EXOC1: variants seen among roughly 807,000 people sequenced by gnomAD.
EXOC1 encodes the protein SEC3-like 1.
EXOC1 carries 67 observed loss-of-function variants against 107.7 expected under a neutral mutation model. That is an observed-to-expected ratio of 0.62 (90% CI 0.51 to 0.76). The LOEUF (loss-of-function observed/expected upper bound fraction) is 0.76. Among genes scored for constraint, EXOC1 ranks in the 30% least tolerant of loss-of-function variants. The pLI, the probability that EXOC1 is intolerant of heterozygous loss-of-function variation, is 0.00. For missense variants in EXOC1, 833 were observed against 1,055.7 expected (o/e 0.79, Z 2.92); for synonymous variants, 348 against 353.5 (o/e 0.98, Z 0.17).
Position 55,870,905 on chromosome 4 carries a change from G to A in EXOC1, c.831G>A (p.Val277=). ...VKLLSEIEFL[V]NHMDLAKGHI... ...TCCTATCTGAGATAGAGTTCCTTGT[G>A]GTAAGTATGATCATAAATTACCAAC... Residue 277 remains valine, a splice_region_variant and synonymous_variant, in exon 6 of 19, where the codon GTG becomes GTA. Coordinates refer to ENST00000381295, the MANE Select transcript of EXOC1 (RefSeq NM_001024924.2). The A allele has an allele frequency of 6.2e-7, 1 of 1,608,064 alleles. No homozygotes were observed. The highest frequency in any genetic ancestry group is 1.7e-4 in the Middle Eastern group (1 of 6,020).
At chr4:55,867,332 C>A (rs1390798825) in intron 4 of EXOC1, among the ~76,000 whole-genome samples, 1 of 152,068 alleles carries the variant, frequency 6.6e-6, no homozygotes, top group Non-Finnish European at 1.5e-5. Flanking sequence ...TGTTCTGGGA[C>A]AAATGAACGT....
At chr4:55,867,627 T>A (rs1560334545) in intron 4 of EXOC1, among the ~76,000 whole-genome samples, 2 of 152,158 alleles carry the variant, frequency 1.3e-5, no homozygotes, top group Non-Finnish European at 2.9e-5. Flanking sequence ...CTCTTGGTCT[T>A]TTGTTATAAA....
intron 1 of EXOC1, 22 bp from the exon 2 acceptor site, chr4:55,858,292 A>G (rs200596290): frequency 1.9e-6 from 3 of 1,582,268 alleles, no homozygotes; most frequent in Admixed American, 1.8e-5. Context: ...TGAGCTTAAT[A>G]TCTATACTCC....
chr4:55,889,454 C>T (rs546482025), intron 11 of EXOC1, among the ~76,000 whole-genome samples: 33 of 152,084 alleles, frequency 2.2e-4, no homozygotes, highest in African/African-American at 7.0e-4. Flanking sequence ...GAGCTATTGC[C>T]AGCTATATGT....
At chr4:55,877,593 A>G (rs957840227) in intron 8 of EXOC1, 3 of 985,252 alleles carry the variant, frequency 3.0e-6, no homozygotes, top group African/African-American at 3.5e-5. Context: ...TGCTTGGTAA[A>G]TTGTGAAATA....
At chr4:55,891,487 G>C in intron 13 of EXOC1, 65 bp downstream of exon 13, 23 of 1,069,816 alleles carry the variant, frequency 2.1e-5, no homozygotes, top group Non-Finnish European at 3.3e-5. Context: ...TAATTAATAT[G>C]TGGTCACAAT....
chr4:55,897,196 G>C (rs1271930026), intron 16 of EXOC1, among the ~76,000 whole-genome samples: 2 of 150,200 alleles, frequency 1.3e-5, no homozygotes, highest in African/African-American at 4.9e-5. Context: ...GCATGATCTT[G>C]GCTCACTGCA....
intron 1 of EXOC1, among the ~76,000 whole-genome samples, chr4:55,856,879 A>G (rs1205085240): frequency 1.3e-5 from 2 of 152,136 alleles, no homozygotes; most frequent in Admixed American, 6.5e-5. Flanking sequence ...GATTTTTGGC[A>G]TATTCACAAG....
At chr4:55,883,383 A>G (rs1723583984) in intron 9 of EXOC1, 1 of 152,354 alleles carries the variant, frequency 6.6e-6, no homozygotes, top group South Asian at 2.1e-4. Context: ...AGCTTATTGT[A>G]ACATTGTCTA....
At chr4:55,856,691 A>G (rs1465908745) in intron 1 of EXOC1, among the ~76,000 whole-genome samples, 1 of 152,212 alleles carries the variant, frequency 6.6e-6, no homozygotes, top group African/African-American at 2.4e-5. Flanking sequence ...ATTGTAATAC[A>G]TATCCACACA....
At position 55,871,228 on chromosome 4, in the gene EXOC1, G is replaced by A. The variant is rs1190513919; in HGVS notation, c.959G>A (p.Arg320Gln). Residue 320 changes from arginine (R) to glutamine (Q), a missense_variant, in exon 7 of 19, where the codon CGA (arginine) becomes CAA (glutamine). By Grantham distance (43) the Arg-to-Gln change is conservative. Coordinates refer to ENST00000381295, the MANE Select transcript of EXOC1 (RefSeq NM_001024924.2). ...CTGCAGTGCATGAATGTAGCTCTTC[G>A]ACCAGGTATGTTCATTAGAAATGAC... The part of the protein sequence containing the change: ...ALLQCMNVAL[R>Q]PGHDLLLAVK... 5 of 1,612,062 alleles carry A rather than the reference G, an allele frequency of 3.1e-6. No individual in the cohort carries two copies. Among genetic ancestry groups the A allele is most frequent in the Middle Eastern group, 1.7e-4 (1 of 6,054 alleles).
chr4:55,891,449 G>C (rs189285185), intron 13 of EXOC1, 27 bp downstream of exon 13: 2 of 1,424,230 alleles, frequency 1.4e-6, no homozygotes, highest in Non-Finnish European at 2.0e-6. Context: ...ATTTTGGATA[G>C]TATTTATGAT....
chr4:55,868,573 A>G (rs1196788830), intron 5 of EXOC1, 50 bp downstream of exon 5: 2 of 1,535,134 alleles, frequency 1.3e-6, no homozygotes, highest in African/African-American at 2.7e-5. Context: ...TGGATTGAGA[A>G]GGCTAATGAT....
At position 55,890,075 on chromosome 4, in the gene EXOC1, C is replaced by G; in HGVS notation, c.1376-148C>G. On this transcript the variant is annotated intron_variant, in intron 11 of 18. Coordinates refer to ENST00000381295, the MANE Select transcript of EXOC1 (RefSeq NM_001024924.2). The stretch of plus-strand genomic sequence containing the variant: ...GTTAATGGAAGATAAGGAAACTATA[C>G]CACCTATCCCTTATAGAAGATTTGT... 4.8e-6 allele frequency: 3 copies of G among 627,992 alleles called. No individual in the cohort carries two copies. In the South Asian group the frequency reaches 6.2e-5, roughly 13 times the overall value. 38.9% of individuals were successfully genotyped at this position (627,992 alleles called of 1,614,324 possible).
chr4:55,879,495 T>A (rs1301842704), intron 9 of EXOC1, among the ~76,000 whole-genome samples: 1 of 152,040 alleles, frequency 6.6e-6, no homozygotes, highest in Non-Finnish European at 1.5e-5. Context: ...CTGGAAGGGA[T>A]TGTGGACCAT....
chr4:55,877,884 A>C (rs956695497), intron 8 of EXOC1, 33 bp from the exon 9 acceptor site: 28 of 1,610,372 alleles, frequency 1.7e-5, no homozygotes, highest in Non-Finnish European at 2.2e-5. Context: ...TGTACTGTTG[A>C]TTACATTTAT....
At chr4:55,887,707 C>A (rs1485059501) in intron 10 of EXOC1, among the ~76,000 whole-genome samples, 1 of 150,652 alleles carries the variant, frequency 6.6e-6, no homozygotes, top group African/African-American at 2.4e-5. Flanking sequence ...GCCTTGTCAA[C>A]CTAATGAGAT....
At chr4:55,865,406 T>C (rs1175451631) in intron 4 of EXOC1, among the ~76,000 whole-genome samples, 5 of 152,206 alleles carry the variant, frequency 3.3e-5, no homozygotes, top group South Asian at 2.1e-4. Flanking sequence ...AAGTCACATA[T>C]GTCAGCCACC....
chr4:55,855,356 T>C (rs1050959284), intron 1 of EXOC1, among the ~76,000 whole-genome samples: 1 of 152,076 alleles, frequency 6.6e-6, no homozygotes, highest in African/African-American at 2.4e-5. Flanking sequence ...TTCATGTTGA[T>C]AAGGGAATAG....
Sources: gnomAD v4.1 joint callset for allele counts (sites outside exome capture counted in the v4.1 genomes callset) on GRCh38, gnomAD v4.1.1 for gene constraint, MANE v1.5 for transcripts, NCBI Gene and HGNC (gene_info 2026-07-23, HGNC 2026-07-21) for gene names.